Variants in PRPH2 observed in about 807,000 individuals in gnomAD.
PRPH2 encodes the protein peripherin 2.
Under a neutral mutation model 31.3 loss-of-function variants are expected in PRPH2, and 17 were observed. The observed-to-expected ratio is 0.54, with a 90% confidence interval of 0.37 to 0.81. The LOEUF (loss-of-function observed/expected upper bound fraction) is 0.81, where lower values mean the gene tolerates loss of function less well. Ranked by LOEUF, PRPH2 falls within the 40% of genes least tolerant of loss-of-function variation. The pLI is 0.00. For missense variants in PRPH2, 430 were observed against 439.7 expected (o/e 0.98, Z 0.20); for synonymous variants, 165 against 184.4 (o/e 0.89, Z 0.85).
At chr6:42,712,435 C>T (rs998343981) in intron 1 of PRPH2, among the ~76,000 whole-genome samples, 22 of 152,258 alleles carry the variant, frequency 1.4e-4, no homozygotes, top group Middle Eastern at 3.4e-3. Flanking sequence ...CAACTAAAGC[C>T]TCTTTATCTG....
At chr6:42,701,682 ATTTTTTTTT>A (rs70990127) in intron 2 of PRPH2, among the ~76,000 whole-genome samples, 10 of 78,516 alleles carry the variant, frequency 1.3e-4, no homozygotes, top group African/African-American at 3.5e-4. Flanking sequence ...ACGTCCAGCA[ATTTTTTTTT>A]TTTTTTTTTT....
chr6:42,700,413 T>C (rs1260504993), intron 2 of PRPH2, among the ~76,000 whole-genome samples: 3 of 152,214 alleles, frequency 2.0e-5, no homozygotes, highest in Non-Finnish European at 4.4e-5. Context: ...TGGCCCTGAC[T>C]CATCTGGCTC....
At chr6:42,721,230 C>T (rs563466730) in intron 1 of PRPH2, among the ~76,000 whole-genome samples, 1 of 152,320 alleles carries the variant, frequency 6.6e-6, no homozygotes, top group South Asian at 2.1e-4. Context: ...GATCTCATGA[C>T]TTCCCCTTCC....
At chr6:42,721,388 T>C (rs1401512800) in intron 1 of PRPH2, among the ~76,000 whole-genome samples, 1 of 152,204 alleles carries the variant, frequency 6.6e-6, no homozygotes, top group Non-Finnish European at 1.5e-5. Context: ...AGCCAAATAG[T>C]ACCTCAGTGT....
At chr6:42,710,964 G>GA (rs1800266946) in intron 1 of PRPH2, among the ~76,000 whole-genome samples, 2 of 152,198 alleles carry the variant, frequency 1.3e-5, no homozygotes, top group Admixed American at 1.3e-4. Context: ...CTCGACAGGG[G>GA]ATGGTGGAAA....
intron 1 of PRPH2, 111 bp from the exon 2 acceptor site, chr6:42,704,722 T>C: frequency 6.6e-7 from 1 of 1,512,252 alleles, no homozygotes; most frequent in Non-Finnish European, 9.2e-7. Context: ...CTCGCACACT[T>C]GGTATATATT....
At chr6:42,710,182 C>T (rs1024104441) in intron 1 of PRPH2, among the ~76,000 whole-genome samples, 3 of 151,706 alleles carry the variant, frequency 2.0e-5, no homozygotes, top group African/African-American at 4.8e-5. Flanking sequence ...TCCCTGAAGA[C>T]GGGGCTGTGT....
In PRPH2 at chr6:42,704,599, G is replaced by A. The variant is rs375978676; in HGVS notation, c.594C>T (p.Ser198=). 60 of 1,614,068 alleles carry A rather than the reference G, an allele frequency of 3.7e-5. No homozygotes were observed. The African/African-American group carries it at 7.2e-4, about 19-fold the overall frequency. ...SSKEVKDRIK[S]NVDGRYLVDG... ...CCACCAGGTACCGCCCATCCACGTT[G>A]CTCTTGATTCGACTTAAAGGGAAAC... is the stretch of plus-strand genomic sequence containing the variant. Residue 198 remains serine (S), a synonymous_variant, in exon 2 of 3, where the codon AGC becomes AGT. Transcript: ENST00000230381.
chr6:42,705,683 G>A (rs145240872), intron 1 of PRPH2, among the ~76,000 whole-genome samples: 8,598 of 140,460 alleles, frequency 0.061, 342 homozygotes, highest in Non-Finnish European at 0.092. Flanking sequence ...GCAGCCAGGC[G>A]CGGTGGCTCA....
intron 1 of PRPH2, among the ~76,000 whole-genome samples, chr6:42,713,302 A>G (rs1467520392): frequency 6.6e-6 from 1 of 151,732 alleles, no homozygotes; most frequent in Non-Finnish European, 1.5e-5. Flanking sequence ...AGTGAGGGAG[A>G]CAGCATTCCT....
Position 42,721,918 on chromosome 6 carries a change from C to A in PRPH2, c.417G>T (p.Lys139Asn). ...TLGQGLKNGM[K>N]YYRDTDTPGR... Reference sequence around the variant, plus strand: ...CAGGGGTGTCTGTGTCCCGGTAGTACTTCATGCCGTTCTTGAGCCCTTGGC... The same window carrying A: ...CAGGGGTGTCTGTGTCCCGGTAGTAATTCATGCCGTTCTTGAGCCCTTGGC... The change falls in exon 1 of 3, where the codon AAG (lysine) becomes AAT (asparagine). Residue 139 changes from lysine (K) to asparagine (N), a missense_variant. Transcript: ENST00000230381. 6.2e-7 allele frequency: 1 copy of A among 1,614,176 alleles called. No homozygotes were observed. The highest frequency in any genetic ancestry group is 8.5e-7 in the Non-Finnish European group (1 of 1,180,038).
rs1799958220 is a variant in PRPH2, at chr6:42,697,205, ATT to A, written c.*1088_*1089del. The A allele has an allele frequency of 1.3e-5, 2 of 152,100 alleles. No individual in the cohort carries two copies. The highest frequency in any genetic ancestry group is 4.1e-4 in the South Asian group (2 of 4,826). The allele number at this position is 152,100 out of a possible 1,614,324, so 9.4% of individuals were successfully genotyped here. Reference sequence around the variant, plus strand: ...TCCTAAAGAAAGTGAAAACTCCTGTATTTGCTAGCTCAGGAAGATGGGCTATC... The same window carrying A: ...TCCTAAAGAAAGTGAAAACTCCTGTATGCTAGCTCAGGAAGATGGGCTATC... On this transcript the variant is annotated 3_prime_UTR_variant, in exon 3 of 3. Coordinates refer to ENST00000230381, the MANE Select transcript of PRPH2 (RefSeq NM_000322.5).
At chr6:42,711,929 C>T in intron 1 of PRPH2, 2 of 985,426 alleles carry the variant, frequency 2.0e-6, no homozygotes, top group South Asian at 4.7e-5. Context: ...CAGCTCTGCT[C>T]ATCCTGCAAC....
chr6:42,698,632 T>C, intron 2 of PRPH2, 125 bp from the exon 3 acceptor site: 1 of 1,378,518 alleles, frequency 7.3e-7, no homozygotes, highest in South Asian at 1.2e-5. Context: ...CTGTGGAGTG[T>C]GGGTTGGTGA....
chr6:42,722,549 G>A lies in PRPH2; in HGVS notation c.-215C>T. 1.4e-6 allele frequency: 2 copies of A among 1,442,670 alleles called. No homozygotes were observed. The highest frequency in any genetic ancestry group is 1.8e-6 in the Non-Finnish European group (2 of 1,101,330). 89.4% of individuals were successfully genotyped at this position (1,442,670 alleles called of 1,614,324 possible). A position where few individuals can be genotyped will look rare whatever the true frequency, so the allele number is the denominator to read the frequency against. On this transcript the variant is annotated 5_prime_UTR_variant, in exon 1 of 3. Coordinates refer to ENST00000230381, the MANE Select transcript of PRPH2 (RefSeq NM_000322.5). The surrounding 1 kb of genome is among the most constrained non-coding windows in gnomAD (Gnocchi z 4.4). ...GGGTCTCGGAATCACAGCTTGAGCA[G>A]GGGATAGTCCTGGTCCTGGGCGTTG...
rs79067430 is a variant in PRPH2 at position 42,721,207 on chromosome 6, A to G, written c.581+547T>C. ...CACAAGACCTTGAACAACAGAACCA[A>G]AACTTCACCCTAGATCTCATGACTT... On this transcript the variant is annotated intron_variant, in intron 1 of 2. Coordinates refer to ENST00000230381, the MANE Select transcript of PRPH2 (RefSeq NM_000322.5). Among the ~76,000 whole-genome samples the G allele has an allele frequency of 9.8e-3, 1,486 of 152,246 alleles. 23 individuals are homozygous for G. The highest frequency in any genetic ancestry group is 0.034 in the African/African-American group (1,413 of 41,542).
intron 1 of PRPH2, 34 bp downstream of exon 1, chr6:42,721,720 C>T (rs1761904209): frequency 7.4e-6 from 12 of 1,612,050 alleles, no homozygotes; most frequent in Non-Finnish European, 1.0e-5. Context: ...CCAATATATT[C>T]ATAGCTCTGA....
intron 1 of PRPH2, among the ~76,000 whole-genome samples, chr6:42,715,605 A>T (rs1194232534): frequency 2.6e-5 from 4 of 152,120 alleles, no homozygotes; most frequent in Non-Finnish European, 5.9e-5. Flanking sequence ...CAGGAGGTGG[A>T]GGTTGCAGCA....
chr6:42,703,581 A>G (rs1562422652), intron 2 of PRPH2, among the ~76,000 whole-genome samples: 1 of 152,270 alleles, frequency 6.6e-6, no homozygotes, highest in Non-Finnish European at 1.5e-5. Flanking sequence ...AAAAGAAGCC[A>G]AACGTAATAT....
Sources: allele counts gnomAD v4.1 joint callset (sites outside exome capture counted in the v4.1 genomes callset), GRCh38; gene constraint gnomAD v4.1.1; non-coding constraint Gnocchi (gnomAD v3.1); transcripts MANE v1.5; gene names NCBI Gene and HGNC (gene_info 2026-07-23, HGNC 2026-07-21).